The following EXOC6 variants were observed in gnomAD, a reference collection of about 807,000 sequenced individuals.
The protein encoded by EXOC6 is exocyst complex component 6, also known as SEC15-like 1.
Under a neutral mutation model 112.5 loss-of-function variants are expected in EXOC6, and 60 were observed. The observed-to-expected ratio is 0.53, with a 90% CI of 0.43 to 0.66. The LOEUF is 0.66. Among genes scored for constraint, EXOC6 ranks in the 30% least tolerant of loss-of-function variants. EXOC6 has a pLI of 0.00. For missense variants in EXOC6, 855 were observed against 957.1 expected (o/e 0.89, Z 1.41); for synonymous variants, 295 against 308.0 (o/e 0.96, Z 0.44).
chr10:92,853,848 G>A (rs954452439), intron 1 of EXOC6, among the ~76,000 whole-genome samples: 2 of 152,028 alleles, frequency 1.3e-5, no homozygotes, highest in Admixed American at 6.6e-5. Flanking sequence ...GATACTGTTT[G>A]CAAAAGCATA....
chr10:92,976,531 G>C (rs1842618914), intron 18 of EXOC6, among the ~76,000 whole-genome samples: 1 of 151,550 alleles, frequency 6.6e-6, no homozygotes, highest in Non-Finnish European at 1.5e-5. Flanking sequence ...CACTGCGGAA[G>C]GCCGCAGGGT....
intron 7 of EXOC6, among the ~76,000 whole-genome samples, chr10:92,916,675 C>T (rs1253000019): frequency 6.6e-6 from 1 of 152,236 alleles, no homozygotes; most frequent in African/African-American, 2.4e-5. Flanking sequence ...CGGTAAAACC[C>T]TAACCTCCTT....
At chr10:93,037,353 T>G (rs1845559710) in intron 20 of EXOC6, among the ~76,000 whole-genome samples, 1 of 151,608 alleles carries the variant, frequency 6.6e-6, no homozygotes. Flanking sequence ...TTGCCCAGAT[T>G]GTTCTGAAAC....
At chr10:92,891,250 A>G (rs2133805682) in intron 1 of EXOC6, among the ~76,000 whole-genome samples, 1 of 152,276 alleles carries the variant, frequency 6.6e-6, no homozygotes, top group African/African-American at 2.4e-5. Context: ...GGAGAGATAT[A>G]TGAGTTTGAG....
chr10:92,853,239 A>T (rs906307864), intron 1 of EXOC6, among the ~76,000 whole-genome samples: 20 of 152,226 alleles, frequency 1.3e-4, no homozygotes, highest in African/African-American at 4.6e-4. Context: ...TTAAATTAAC[A>T]TTGCTGATAC....
At chr10:92,943,966 T>A (rs1852823639) in intron 13 of EXOC6, among the ~76,000 whole-genome samples, 1 of 152,220 alleles carries the variant, frequency 6.6e-6, no homozygotes, top group Non-Finnish European at 1.5e-5. Flanking sequence ...TGAGTGTGAC[T>A]GTTTTAGATT....
At chr10:92,957,235 C>T (rs1354998372) in intron 17 of EXOC6, among the ~76,000 whole-genome samples, 1 of 152,120 alleles carries the variant, frequency 6.6e-6, no homozygotes, top group East Asian at 1.9e-4. Flanking sequence ...GAAGGGATTT[C>T]TCAGGCTTAG....
intron 20 of EXOC6, among the ~76,000 whole-genome samples, chr10:93,039,207 T>G (rs1429203166): frequency 6.6e-6 from 1 of 152,244 alleles, no homozygotes; most frequent in East Asian, 1.9e-4. Flanking sequence ...CTACCATTTA[T>G]AGCATTATTC....
intron 1 of EXOC6, among the ~76,000 whole-genome samples, chr10:92,877,567 T>G (rs989855876): frequency 6.6e-6 from 1 of 152,218 alleles, no homozygotes; most frequent in Non-Finnish European, 1.5e-5. Flanking sequence ...TTTTTTGTTT[T>G]GTTATTTATA....
intron 1 of EXOC6, among the ~76,000 whole-genome samples, chr10:92,879,031 G>T (rs942569828): frequency 1.6e-4 from 25 of 152,220 alleles, no homozygotes; most frequent in African/African-American, 6.0e-4. Flanking sequence ...AAAATTTTCT[G>T]CAGTTTAGTA....
chr10:92,843,621 G>A (rs1430581413), upstream of EXOC6, among the ~76,000 whole-genome samples: 5 of 151,870 alleles, frequency 3.3e-5, no homozygotes, highest in African/African-American at 2.4e-5. Context: ...AGGCCGAGGC[G>A]GCGGATCACA....
chr10:92,853,228 A>G (rs1847437301), intron 1 of EXOC6, among the ~76,000 whole-genome samples: 2 of 152,120 alleles, frequency 1.3e-5, no homozygotes, highest in Non-Finnish European at 2.9e-5. Flanking sequence ...GCTGATATAA[A>G]TTAAATTAAC....
chr10:92,944,069 A>G (rs1355928753), intron 13 of EXOC6, among the ~76,000 whole-genome samples: 1 of 152,182 alleles, frequency 6.6e-6, no homozygotes, highest in Non-Finnish European at 1.5e-5. Context: ...TGTTGTTGCA[A>G]ATGACAGAAT....
At chr10:92,848,421 G>T (rs906681884), upstream of EXOC6, 1 of 892,128 alleles carries the variant, frequency 1.1e-6, no homozygotes, top group African/African-American at 1.8e-5. Flanking sequence ...CCCCCGCGCC[G>T]CCGGCCCGAG....
intron 20 of EXOC6, among the ~76,000 whole-genome samples, chr10:93,049,274 G>A (rs766178484): frequency 3.3e-5 from 5 of 151,996 alleles, no homozygotes; most frequent in Non-Finnish European, 5.9e-5. Context: ...TATTAGCCAG[G>A]ATGGTCTCGA....
chr10:93,047,895 A>C (rs754482741), intron 20 of EXOC6, among the ~76,000 whole-genome samples: 2 of 151,940 alleles, frequency 1.3e-5, no homozygotes, highest in Non-Finnish European at 2.9e-5. Flanking sequence ...GCAGTGAGCC[A>C]AGATCACGCC....
intron 18 of EXOC6, among the ~76,000 whole-genome samples, chr10:92,982,108 T>A (rs1033069619): frequency 8.5e-5 from 13 of 152,092 alleles, no homozygotes; most frequent in African/African-American, 3.1e-4. Flanking sequence ...AGAGCAAGAC[T>A]CCGTCTCAAA....
chr10:92,966,023 A>G (rs1019437321), intron 17 of EXOC6, among the ~76,000 whole-genome samples: 2 of 152,094 alleles, frequency 1.3e-5, no homozygotes, highest in Admixed American at 6.6e-5. Flanking sequence ...CTTAAAAAAT[A>G]TTAGGTACCC....
chr10:92,937,158 G>A (rs1006984112), intron 12 of EXOC6, among the ~76,000 whole-genome samples: 1 of 152,042 alleles, frequency 6.6e-6, no homozygotes, highest in Non-Finnish European at 1.5e-5. Context: ...TTCTTTTCCT[G>A]TGTAAATTTA....
Sources: gnomAD v4.1 joint callset for allele counts (sites outside exome capture counted in the v4.1 genomes callset) on GRCh38, gnomAD v4.1.1 for gene constraint, MANE v1.5 for transcripts, NCBI Gene and HGNC (gene_info 2026-07-23, HGNC 2026-07-21) for gene names.